The following DST variants were observed in gnomAD, a reference collection of about 807,000 sequenced individuals.
The protein encoded by DST is bullous pemphigoid antigen.
A neutral mutation model predicts 875.2 loss-of-function variants in DST; 253 were observed. The observed-to-expected ratio is 0.29, with a 90% CI of 0.26 to 0.32. The LOEUF is 0.32. Among genes scored for constraint, DST ranks in the 10% least tolerant of loss-of-function variants. The pLI, the probability that DST is intolerant of heterozygous loss-of-function variation, is 1.00. For synonymous variants in DST, 3,124 were observed against 3,197.1 expected (o/e 0.98, Z 0.77); for missense variants, 8,287 against 9,111.6 (o/e 0.91, Z 3.68).
intron 4 of DST, among the ~76,000 whole-genome samples, chr6:56,816,662 T>A (rs1432969885): frequency 6.6e-6 from 1 of 152,162 alleles, no homozygotes; most frequent in Non-Finnish European, 1.5e-5. Flanking sequence ...GAATCCCCTA[T>A]CGCGTGCAGG....
intron 71 of DST, 133 bp downstream of exon 71, chr6:56,517,065 C>T: frequency 4.3e-6 from 3 of 699,884 alleles, no homozygotes; most frequent in Non-Finnish European, 7.6e-6. Flanking sequence ...TGAAAAATGC[C>T]TTATTTAAAC....
intron 4 of DST, among the ~76,000 whole-genome samples, chr6:56,772,769 TAGCC>T (rs1564098194): frequency 6.6e-6 from 1 of 152,198 alleles, no homozygotes; most frequent in East Asian, 1.9e-4. Context: ...GTCATTGTGA[TAGCC>T]AGCCTCCAGG....
At chr6:56,671,264 TTTG>T (rs1450935774) in intron 9 of DST, among the ~76,000 whole-genome samples, 1 of 152,212 alleles carries the variant, frequency 6.6e-6, no homozygotes, top group Non-Finnish European at 1.5e-5. Flanking sequence ...CCTAATCAGA[TTTG>T]TTAATACAAC....
At chr6:56,660,062 G>A (rs891308326) in intron 10 of DST, among the ~76,000 whole-genome samples, 3 of 152,328 alleles carry the variant, frequency 2.0e-5, no homozygotes, top group South Asian at 2.1e-4. Flanking sequence ...TGTTAACACT[G>A]AGAAAAGGTG....
chr6:56,769,017 A>C (rs1455204273), intron 4 of DST, among the ~76,000 whole-genome samples: 6 of 152,188 alleles, frequency 3.9e-5, no homozygotes, highest in African/African-American at 1.2e-4. Context: ...CTCCATCGCA[A>C]TATACACATA....
intron 3 of DST, among the ~76,000 whole-genome samples, chr6:56,868,786 T>C (rs1365579703): frequency 6.6e-6 from 1 of 152,176 alleles, no homozygotes; most frequent in Non-Finnish European, 1.5e-5. Context: ...TAACAAAACA[T>C]GGTGCAATTA....
chr6:56,459,394 T>C, intron 103 of DST, 127 bp from the exon 104 acceptor site: 1 of 942,260 alleles, frequency 1.1e-6, no homozygotes, highest in Non-Finnish European at 1.5e-6. Flanking sequence ...CAGAAAACAG[T>C]TGTGGATTCA....
Position 56,555,671 on chromosome 6 carries a change from T to A in DST, c.14810A>T (p.Asp4937Val). The change falls in exon 60 of 104, where the codon GAC becomes GTC. Residue 4937 changes from aspartate to valine, a missense_variant. Physicochemically the swap from Asp to Val is radical, Grantham distance 152. Transcript: ENST00000680361. ...KWDSLTGQLS[D>V]RCDWIDQAIV... is the part of the protein sequence containing the mutation. ...GGCTTGGTCAATCCAGTCACATCTG[T>A]CACTCAATTGCCCTGTTAGGCTATC... is the stretch of plus-strand genomic sequence containing the variant. 6.2e-7 allele frequency: 1 copy of A among 1,613,980 alleles called. No homozygotes were observed. Among genetic ancestry groups the A allele is most frequent in the Non-Finnish European group, 8.5e-7 (1 of 1,179,872 alleles).
intron 4 of DST, among the ~76,000 whole-genome samples, chr6:56,755,200 C>T (rs971132288): frequency 1.3e-5 from 2 of 150,854 alleles, no homozygotes; most frequent in African/African-American, 4.9e-5. Context: ...AGAATAGGGA[C>T]TGAGAGAAGA....
At chr6:56,579,475 A>G (rs554282593) in intron 49 of DST, among the ~76,000 whole-genome samples, 1 of 152,222 alleles carries the variant, frequency 6.6e-6, no homozygotes, top group Non-Finnish European at 1.5e-5. Context: ...AAACAGACAC[A>G]AAGCTTACTT....
chr6:56,511,129 C>T (rs2096466818), intron 73 of DST, 68 bp downstream of exon 73: 1 of 1,329,832 alleles, frequency 7.5e-7, no homozygotes. Flanking sequence ...TCAGGAAATC[C>T]AGGAAAATGT....
intron 5 of DST, among the ~76,000 whole-genome samples, chr6:56,720,998 C>T (rs189352861): frequency 4.4e-3 from 656 of 148,238 alleles, no homozygotes; most frequent in Non-Finnish European, 5.6e-3. Flanking sequence ...ACCTTCCAGA[C>T]GGGGCGGCTG....
intron 49 of DST, among the ~76,000 whole-genome samples, chr6:56,579,335 T>C (rs1317752111): frequency 6.6e-6 from 1 of 152,118 alleles, no homozygotes; most frequent in Non-Finnish European, 1.5e-5. Flanking sequence ...AGGAGATAAA[T>C]AAGCTCGCCC....
chr6:56,788,516 A>G (rs1337775571), intron 4 of DST, among the ~76,000 whole-genome samples: 1 of 152,204 alleles, frequency 6.6e-6, no homozygotes. Context: ...GGTACTCTGA[A>G]CATCAAAAGC....
chr6:56,578,660 G>C (rs972681354), intron 50 of DST, among the ~76,000 whole-genome samples, 154 bp downstream of exon 50: 5 of 152,118 alleles, frequency 3.3e-5, no homozygotes, highest in Non-Finnish European at 5.9e-5. Flanking sequence ...GCCAAAGAAG[G>C]CATGCCTTTT....
At chr6:56,528,956 G>A (rs1240947724) in intron 66 of DST, 31 bp from the exon 67 acceptor site, 2 of 1,386,042 alleles carry the variant, frequency 1.4e-6, no homozygotes, top group African/African-American at 2.9e-5. Flanking sequence ...TTTATGTGGG[G>A]GGAAAAACAT....
At chr6:56,497,152 C>T (rs964535637) in intron 82 of DST, among the ~76,000 whole-genome samples, 18 of 151,730 alleles carry the variant, frequency 1.2e-4, no homozygotes, top group Non-Finnish European at 2.4e-4. Context: ...TACCCTAAAA[C>T]TTAAAGTATA....
At chr6:56,511,609 A>G (rs572144918) in intron 72 of DST, among the ~76,000 whole-genome samples, 20 of 152,008 alleles carry the variant, frequency 1.3e-4, no homozygotes, top group African/African-American at 4.6e-4. Flanking sequence ...CACACCAAAG[A>G]CCCTTTAGGG....
Position 56,529,484 on chromosome 6 carries a change from G to C in DST, c.17559C>G (p.Ser5853Arg). 1 of 1,587,752 alleles carries C rather than the reference G, an allele frequency of 6.3e-7. No homozygotes were observed. The highest frequency in any genetic ancestry group is 1.7e-5 in the Admixed American group (1 of 58,576). The change falls in exon 66 of 104, where the codon AGC (serine) becomes AGG (arginine). Residue 5853 changes from serine to arginine, a missense_variant. Ser to Arg is a moderately radical substitution (Grantham distance 110, BLOSUM62 -1). Coordinates refer to ENST00000680361, the MANE Select transcript of DST (RefSeq NM_001374736.1). Reference sequence around the variant, plus strand: ...ACTGCTGCTTCCATAGCCCCTCAGTGCTGTAATCCTGGACTGAGAGCTTGC... The same window carrying C: ...ACTGCTGCTTCCATAGCCCCTCAGTCCTGTAATCCTGGACTGAGAGCTTGC... ...KLSKLSVQDYSTEGLWKQQSE... is the reference protein window; with the variant it reads ...KLSKLSVQDYRTEGLWKQQSE...
Sources: allele counts gnomAD v4.1 joint callset (sites outside exome capture counted in the v4.1 genomes callset), GRCh38; gene constraint gnomAD v4.1.1; transcripts MANE v1.5; gene names NCBI Gene and HGNC (gene_info 2026-07-23, HGNC 2026-07-21).